ZNF383: variants seen among roughly 807,000 people sequenced by gnomAD.
ZNF383 encodes zinc finger protein 383.
A neutral mutation model predicts 44.2 loss-of-function variants in ZNF383; 32 were observed. That is an observed-to-expected ratio of 0.72 (90% CI 0.55 to 0.97). The LOEUF (loss-of-function observed/expected upper bound fraction) is 0.97. Among genes scored for constraint, ZNF383 ranks in the 50% least tolerant of loss-of-function variants. The pLI is 0.00. For missense variants in ZNF383, 487 were observed against 562.5 expected, an observed-to-expected ratio of 0.87 and a Z score of 1.36; for synonymous variants, 155 against 186.2, an observed-to-expected ratio of 0.83 and a Z score of 1.36.
chr19:37,242,605 T>C lies in ZNF383; in HGVS notation c.369T>C (p.Tyr123=). ...EYSSFGDVLE[Y]RSHLAKQLGY... The stretch of plus-strand genomic sequence containing the variant: ...CCAGTTTTGGAGATGTTTTGGAATA[T>C]AGAAGCCACCTTGCAAAACAACTGG... The change falls in exon 6 of 6, where the codon TAT becomes TAC. Residue 123 remains tyrosine (Y), a synonymous_variant. Transcript: ENST00000684119. 2 of 1,614,086 alleles carry C rather than the reference T, an allele frequency of 1.2e-6. No individual in the cohort carries two copies. Among genetic ancestry groups the C allele is most frequent in the Non-Finnish European group, 1.7e-6 (2 of 1,179,982 alleles).
At chr19:37,236,527 G>A (rs533211974) in intron 5 of ZNF383, among the ~76,000 whole-genome samples, 27 of 150,994 alleles carry the variant, frequency 1.8e-4, no homozygotes, top group African/African-American at 5.6e-4. Flanking sequence ...GGCTGGGACC[G>A]TAGGCCTGTG....
At chr19:37,236,804 A>G (rs1232638594) in intron 5 of ZNF383, among the ~76,000 whole-genome samples, 4 of 151,726 alleles carry the variant, frequency 2.6e-5, no homozygotes, top group East Asian at 1.9e-4. Context: ...TCCTGACCTC[A>G]TGATCTACCC....
At chr19:37,230,756 A>T (rs1217228019) in intron 3 of ZNF383, among the ~76,000 whole-genome samples, 2 of 152,222 alleles carry the variant, frequency 1.3e-5, no homozygotes, top group African/African-American at 4.8e-5. Flanking sequence ...GCAAGAATAG[A>T]TTTGTAAAAT....
intron 1 of ZNF383, chr19:37,219,382 A>G (rs553009983): frequency 2.0e-5 from 3 of 152,590 alleles, no homozygotes; most frequent in East Asian, 3.9e-4. Context: ...CAGCCTTCCT[A>G]GTAGCTGGGA....
In ZNF383 at chr19:37,229,804, T is replaced by TATA. The variant is rs753536521; in HGVS notation, c.-45-605_-45-604insATA. 2.9e-3 allele frequency among the ~76,000 whole-genome samples: 226 copies of TATA among 77,998 alleles called. 1 individual carries two copies. The highest frequency in any genetic ancestry group is 3.6e-3 in the South Asian group (10 of 2,740). 51.2% of individuals were successfully genotyped at this position (77,998 alleles called of 152,430 possible). A position where few individuals can be genotyped will look rare whatever the true frequency, so the allele number is the denominator to read the frequency against. On this transcript the variant is annotated intron_variant, in intron 2 of 5. Coordinates refer to ENST00000684119, the MANE Select transcript of ZNF383 (RefSeq NM_001387601.1). The stretch of plus-strand genomic sequence containing the variant: ...TGTGTGTGTATATATATATATATAT[T>TATA]TTTTTTTTTTTTTCAATAAAACAGA...
chr19:37,229,224 G>A (rs1264185642), intron 2 of ZNF383, among the ~76,000 whole-genome samples: 2 of 145,820 alleles, frequency 1.4e-5, no homozygotes, highest in African/African-American at 2.6e-5. Flanking sequence ...GCGTGATCTC[G>A]GCTCATTGCA....
intron 2 of ZNF383, chr19:37,227,436 A>C (rs1973227707): frequency 6.6e-6 from 1 of 152,246 alleles, no homozygotes; most frequent in Non-Finnish European, 1.5e-5. Flanking sequence ...ATTTTTTAAA[A>C]AACTTAAATC....
intron 3 of ZNF383, among the ~76,000 whole-genome samples, chr19:37,232,869 G>C (rs1022531317): frequency 6.6e-6 from 1 of 152,110 alleles, no homozygotes; most frequent in Non-Finnish European, 1.5e-5. Flanking sequence ...TGATCAGTCC[G>C]TTGCAGTTGT....
In ZNF383 at chr19:37,247,721, A is replaced by G. The variant is rs947593988; in HGVS notation, c.*4057A>G. ...AAACTTAAAAGTTGGTATTATAGAC[A>G]TTTTTATAATATATCTGAAAATCTG... On this transcript the variant is annotated 3_prime_UTR_variant, in exon 6 of 6. Coordinates refer to ENST00000684119, the MANE Select transcript of ZNF383 (RefSeq NM_001387601.1). 2.0e-5 allele frequency: 3 copies of G among 152,126 alleles called. No individual in the cohort carries two copies. The highest frequency in any genetic ancestry group is 7.2e-5 in the African/African-American group (3 of 41,440). 9.4% of individuals were successfully genotyped at this position (152,126 alleles called of 1,614,324 possible).
Position 37,243,781 on chromosome 19 carries a change from A to G in ZNF383, c.*117A>G, listed in dbSNP as rs569257083. The G allele has an allele frequency of 1.5e-4, 100 of 675,266 alleles. No individual in the cohort carries two copies. The African/African-American group carries it at 1.7e-3, about 12-fold the overall frequency. 41.8% of individuals were successfully genotyped at this position (675,266 alleles called of 1,614,324 possible). A position where few individuals can be genotyped will look rare whatever the true frequency, so the allele number is the denominator to read the frequency against. The stretch of plus-strand genomic sequence containing the variant: ...GTATTTAAATTTTGTATCCAAATGT[A>G]TTTCATTCCAGGTTATAAATTCGGA... On this transcript the variant is annotated 3_prime_UTR_variant, in exon 6 of 6. Coordinates refer to ENST00000684119, the MANE Select transcript of ZNF383 (RefSeq NM_001387601.1).
At chr19:37,234,331 G>C (rs934204248) in intron 3 of ZNF383, among the ~76,000 whole-genome samples, 4 of 152,108 alleles carry the variant, frequency 2.6e-5, no homozygotes, top group Admixed American at 2.6e-4. Flanking sequence ...CATTTTGTTA[G>C]TTTTGCAATG....
At chr19:37,232,134 G>A (rs1973519954) in intron 3 of ZNF383, among the ~76,000 whole-genome samples, 1 of 150,586 alleles carries the variant, frequency 6.6e-6, no homozygotes, top group Admixed American at 6.6e-5. Flanking sequence ...AGAGTGCAGT[G>A]GCACGATCTC....
At chr19:37,231,263 C>T (rs1368152571) in intron 3 of ZNF383, among the ~76,000 whole-genome samples, 2 of 152,106 alleles carry the variant, frequency 1.3e-5, no homozygotes, top group Non-Finnish European at 2.9e-5. Context: ...GTGGCTCATG[C>T]CTGTAATCTC....
chr19:37,242,559 C>A lies in ZNF383; in HGVS notation c.323C>A (p.Thr108Lys), dbSNP rs1021573376. The change falls in exon 6 of 6, where the codon ACA becomes AAA. Residue 108 changes from threonine to lysine, a missense_variant. Physicochemically the swap from Thr to Lys is moderately conservative, Grantham distance 78. Coordinates refer to ENST00000684119, the MANE Select transcript of ZNF383 (RefSeq NM_001387601.1). ...TGCCAGAGGGAGATAATGGGACTTACAAAGCATGGCCTTGAGTACTCCAGT... is the reference window on the plus strand; with the variant it reads ...TGCCAGAGGGAGATAATGGGACTTAAAAAGCATGGCCTTGAGTACTCCAGT... ...ELCQREIMGL[T>K]KHGLEYSSFG... The A allele has an allele frequency of 6.2e-7, 1 of 1,613,916 alleles. No homozygotes were observed. Among genetic ancestry groups the A allele is most frequent in the Non-Finnish European group, 8.5e-7 (1 of 1,179,910 alleles).
Position 37,246,609 on chromosome 19 carries a change from A to G in ZNF383, c.*2945A>G, listed in dbSNP as rs1974382219. ...AACATGGTGAAACCCCGTCTCTACT[A>G]AAAATACAAAAAAAACAAAAACAAA... On this transcript the variant is annotated 3_prime_UTR_variant, in exon 6 of 6. Coordinates refer to ENST00000684119, the MANE Select transcript of ZNF383 (RefSeq NM_001387601.1). The G allele has an allele frequency of 1.3e-5, 2 of 152,106 alleles. No homozygotes were observed. The highest frequency in any genetic ancestry group is 3.4e-3 in the Middle Eastern group (1 of 294). The allele number at this position is 152,106 out of a possible 1,614,324, so 9.4% of individuals were successfully genotyped here.
In ZNF383 at chr19:37,242,958, T is replaced by G; in HGVS notation, c.722T>G (p.Leu241Arg). The G allele has an allele frequency of 6.2e-7, 1 of 1,614,152 alleles. No individual in the cohort carries two copies. The highest frequency in any genetic ancestry group is 8.5e-7 in the Non-Finnish European group (1 of 1,180,010). The change falls in exon 6 of 6, where the codon CTT (leucine) becomes CGT (arginine). Residue 241 changes from leucine (L) to arginine (R), a missense_variant. By Grantham distance (102) the Leu-to-Arg change is moderately radical (BLOSUM62 -2). Transcript: ENST00000684119. The stretch of plus-strand genomic sequence containing the variant: ...AAGGCCTTCAGTTGTAGCTCATACC[T>G]TTCTCAACATCAGAGAATCCATACC... ...CGKAFSCSSY[L>R]SQHQRIHTGK...
chr19:37,243,966 G>A lies in ZNF383; in HGVS notation c.*302G>A. ...GCTATCTTTTCTGATCTGTGTATTT[G>A]TGTTTGCACCAGTATCACACTGTTT... On this transcript the variant is annotated 3_prime_UTR_variant, in exon 6 of 6. Coordinates refer to ENST00000684119, the MANE Select transcript of ZNF383 (RefSeq NM_001387601.1). The A allele has an allele frequency of 8.3e-6, 2 of 242,074 alleles. No individual in the cohort carries two copies. The highest frequency in any genetic ancestry group is 1.6e-4 in the East Asian group (2 of 12,762). The allele number at this position is 242,074 out of a possible 1,614,324, so 15.0% of individuals were successfully genotyped here.
rs894357705 is a variant in ZNF383, at chr19:37,248,644, A to G, written c.*4980A>G. ...ACTAAAGTTCTGTCAATGAAAATAT[A>G]TGCTCTAACCTCAACATCTTCTAGA... On this transcript the variant is annotated 3_prime_UTR_variant, in exon 6 of 6. Transcript: ENST00000684119. 1 of 152,230 alleles carries G rather than the reference A, an allele frequency of 6.6e-6. No homozygotes were observed. Among genetic ancestry groups the G allele is most frequent in the African/African-American group, 2.4e-5 (1 of 41,460 alleles). The allele number at this position is 152,230 out of a possible 1,614,324, so 9.4% of individuals were successfully genotyped here.
intron 2 of ZNF383, chr19:37,226,448 C>A (rs1252820782): frequency 6.6e-6 from 1 of 152,150 alleles, no homozygotes; most frequent in Non-Finnish European, 1.5e-5. Flanking sequence ...ATTATGATGT[C>A]ATCCACATTA....
Sources: gnomAD v4.1 joint callset for allele counts (sites outside exome capture counted in the v4.1 genomes callset) on GRCh38, gnomAD v4.1.1 for gene constraint, MANE v1.5 for transcripts, NCBI Gene and HGNC (gene_info 2026-07-23, HGNC 2026-07-21) for gene names.